Variants in POU6F2 observed in about 807,000 individuals in gnomAD.
POU6F2 encodes the protein POU class 6 homeobox 2, also known as POU domain, class 6, transcription factor 2.
In POU6F2, 31 loss-of-function variants were observed where a neutral mutation model predicts 71.3. That is an observed-to-expected ratio of 0.43 (90% CI 0.33 to 0.59). The LOEUF (loss-of-function observed/expected upper bound fraction) is 0.59, where lower values mean the gene tolerates loss of function less well. Among genes scored for constraint, POU6F2 ranks in the 20% least tolerant of loss-of-function variants. POU6F2 has a pLI of 0.04. For missense variants in POU6F2, 783 were observed against 856.8 expected (o/e 0.91, Z 1.07); for synonymous variants, 347 against 355.7 (o/e 0.98, Z 0.27).
At chr7:39,255,723 A>C (rs1784008126) in intron 4 of POU6F2, among the ~76,000 whole-genome samples, 1 of 152,240 alleles carries the variant, frequency 6.6e-6, no homozygotes, top group African/African-American at 2.4e-5. Flanking sequence ...ACCCTGGGTG[A>C]GGAAAGGGAT....
intron 5 of POU6F2, chr7:39,406,186 CCT>C (rs1432375089): frequency 6.3e-6 from 1 of 158,396 alleles, no homozygotes; most frequent in Non-Finnish European, 1.4e-5. Flanking sequence ...AAAATCTATT[CCT>C]CTCTTTCCCC....
intron 5 of POU6F2, among the ~76,000 whole-genome samples, chr7:39,386,419 G>C (rs748476953): frequency 1.2e-4 from 19 of 152,166 alleles, no homozygotes; most frequent in Non-Finnish European, 2.4e-4. Context: ...GAGCTCCACC[G>C]TTCTATTATA....
At chr7:39,380,992 G>A (rs1007746904) in intron 5 of POU6F2, among the ~76,000 whole-genome samples, 1 of 152,142 alleles carries the variant, frequency 6.6e-6, no homozygotes, top group Admixed American at 6.5e-5. Flanking sequence ...AAAACTGTGG[G>A]GCAGCCCACA....
In POU6F2 at chr7:39,024,382, T is replaced by C. The variant is rs577391864; in HGVS notation, c.105+46324T>C. 9.7e-3 allele frequency among the ~76,000 whole-genome samples: 1,483 copies of C among 152,204 alleles called. 17 individuals are homozygous for C. Among genetic ancestry groups the C allele is most frequent in the African/African-American group, 0.032 (1,314 of 41,512 alleles). ...TATGCTGAGACTTTGCTGAAGTTGC[T>C]TATCAGCTTAAGGAGATTTTGGGCT... On this transcript the variant is annotated intron_variant, in intron 1 of 9. Transcript: ENST00000518318.
At chr7:39,153,189 T>A (rs1432932556) in intron 2 of POU6F2, among the ~76,000 whole-genome samples, 1 of 151,084 alleles carries the variant, frequency 6.6e-6, no homozygotes, top group East Asian at 1.9e-4. Flanking sequence ...AGAAAAGATT[T>A]TATATATATA....
At chr7:39,281,254 T>C (rs73128448) in intron 4 of POU6F2, among the ~76,000 whole-genome samples, 22 of 152,274 alleles carry the variant, frequency 1.4e-4, no homozygotes, top group Non-Finnish European at 2.4e-4. Context: ...CAAATCAGGG[T>C]ATTTAGCATA....
intron 3 of POU6F2, among the ~76,000 whole-genome samples, chr7:39,206,525 T>A (rs919193520): frequency 4.6e-5 from 7 of 152,252 alleles, no homozygotes; most frequent in African/African-American, 9.6e-5. Flanking sequence ...CTGTTTTAGA[T>A]CTTGTCATTG....
At chr7:39,064,600 C>A (rs1790721066) in intron 1 of POU6F2, among the ~76,000 whole-genome samples, 1 of 151,548 alleles carries the variant, frequency 6.6e-6, no homozygotes, top group African/African-American at 2.4e-5. Context: ...CTGAGGTAAT[C>A]AAAATAAGAT....
At chr7:39,328,206 AC>A (rs1785558288) in intron 4 of POU6F2, among the ~76,000 whole-genome samples, 1 of 152,224 alleles carries the variant, frequency 6.6e-6, no homozygotes, top group South Asian at 2.1e-4. Flanking sequence ...GGCGTGAGCC[AC>A]CGCACCCGAC....
At chr7:39,421,975 A>G (rs956632276) in intron 6 of POU6F2, among the ~76,000 whole-genome samples, 29 of 152,254 alleles carry the variant, frequency 1.9e-4, no homozygotes, top group African/African-American at 5.8e-4. Context: ...AGGCAAAGCC[A>G]TATAAAGGCT....
chr7:39,301,082 G>C (rs1213674520), intron 4 of POU6F2, among the ~76,000 whole-genome samples: 1 of 152,134 alleles, frequency 6.6e-6, no homozygotes, highest in African/African-American at 2.4e-5. Flanking sequence ...CCACTATGAT[G>C]GCTATCCAGA....
At chr7:39,334,889 G>C (rs1290444149) in intron 4 of POU6F2, among the ~76,000 whole-genome samples, 1 of 152,132 alleles carries the variant, frequency 6.6e-6, no homozygotes, top group Admixed American at 6.5e-5. Context: ...TTTTTCCATG[G>C]GCCCATTGAT....
intron 2 of POU6F2, among the ~76,000 whole-genome samples, chr7:39,174,266 C>T (rs1793284391): frequency 1.3e-5 from 2 of 152,322 alleles, no homozygotes; most frequent in South Asian, 4.2e-4. Context: ...AACAGGCAGG[C>T]TGTCTTCAGG....
At chr7:39,221,288 C>A (rs911820300) in intron 4 of POU6F2, among the ~76,000 whole-genome samples, 2 of 151,418 alleles carry the variant, frequency 1.3e-5, no homozygotes, top group African/African-American at 4.9e-5. Flanking sequence ...TTAGAGACAA[C>A]ACATTTTGTA....
intron 4 of POU6F2, among the ~76,000 whole-genome samples, chr7:39,251,832 A>G (rs1783924627): frequency 6.6e-6 from 1 of 152,156 alleles, no homozygotes; most frequent in Admixed American, 6.5e-5. Context: ...GACGTGTTGC[A>G]GGGAGAGTTC....
rs540640831 is a variant in POU6F2 at position 39,144,907 on chromosome 7, C to A, written c.277+58876C>A. Reference sequence around the variant, plus strand: ...AGGAGTATTTGATCTATGGTAGCCTCCTTTCTCCACTGGAGTTCAAGTGGC... The same window carrying A: ...AGGAGTATTTGATCTATGGTAGCCTACTTTCTCCACTGGAGTTCAAGTGGC... On this transcript the variant is annotated intron_variant, in intron 2 of 9. Transcript: ENST00000518318. Among the ~76,000 whole-genome samples, 54 of 152,208 alleles carry A rather than the reference C, an allele frequency of 3.5e-4. No individual in the cohort carries two copies. In the South Asian group the frequency reaches 8.5e-3, roughly 24 times the overall value.
At chr7:38,996,034 G>GTTTTTTT in intron 1 of POU6F2, among the ~76,000 whole-genome samples, 1 of 79,890 alleles carries the variant, frequency 1.3e-5, no homozygotes, top group Non-Finnish European at 2.4e-5. Flanking sequence ...AAGGGGCTTG[G>GTTTTTTT]CTTTTTTTTT....
At chr7:39,444,793 C>T (rs962108380) in intron 7 of POU6F2, among the ~76,000 whole-genome samples, 1 of 152,146 alleles carries the variant, frequency 6.6e-6, no homozygotes, top group South Asian at 2.1e-4. Context: ...CTAATTGCCC[C>T]GTGCCTATGA....
chr7:39,223,259 C>T (rs138004811), intron 4 of POU6F2, among the ~76,000 whole-genome samples: 72 of 152,274 alleles, frequency 4.7e-4, no homozygotes, highest in African/African-American at 1.6e-3. Context: ...GGAGAAGGCA[C>T]GCTTCAGAAG....
Sources: allele counts gnomAD v4.1 joint callset (sites outside exome capture counted in the v4.1 genomes callset), GRCh38; gene constraint gnomAD v4.1.1; transcripts MANE v1.5; gene names NCBI Gene and HGNC (gene_info 2026-07-23, HGNC 2026-07-21).